The following CNTN5 variants were observed in gnomAD, a reference collection of about 807,000 sequenced individuals.
CNTN5 encodes the protein contactin-5.
In CNTN5, 77 loss-of-function variants were observed where a neutral mutation model predicts 129.1. The ratio of observed to expected loss-of-function variants is 0.60; its 90% CI spans 0.50 to 0.72. The LOEUF is 0.72. Among genes scored for constraint, CNTN5 ranks in the 30% least tolerant of loss-of-function variants. The pLI is 0.00. For missense variants in CNTN5, 1,478 were observed against 1,328.8 expected, an observed-to-expected ratio of 1.11 and a Z score of -1.75; for synonymous variants, 509 against 465.6, an observed-to-expected ratio of 1.09 and a Z score of -1.20.
intron 1 of CNTN5, among the ~76,000 whole-genome samples, chr11:99,153,998 T>A (rs560615475): frequency 1.4e-4 from 22 of 152,192 alleles, no homozygotes; most frequent in Middle Eastern, 3.4e-3. Context: ...TTCTGGCCCC[T>A]AGAGGTTAGG....
chr11:99,442,327 G>A (rs924214476), intron 2 of CNTN5, among the ~76,000 whole-genome samples: 8 of 151,980 alleles, frequency 5.3e-5, no homozygotes, highest in African/African-American at 1.9e-4. Context: ...GTGCCACCAT[G>A]CCCAGCTAAT....
chr11:99,767,842 G>C (rs1350314566), intron 3 of CNTN5, among the ~76,000 whole-genome samples: 1 of 151,872 alleles, frequency 6.6e-6, no homozygotes, highest in Admixed American at 6.6e-5. Flanking sequence ...AATAATTTCT[G>C]TTTCAGTACA....
intron 9 of CNTN5, among the ~76,000 whole-genome samples, chr11:100,022,465 A>C (rs1941212641): frequency 6.6e-6 from 1 of 152,110 alleles, no homozygotes; most frequent in Admixed American, 6.6e-5. Context: ...ATTCTATTTT[A>C]TCTCTTTAGT....
intron 6 of CNTN5, among the ~76,000 whole-genome samples, chr11:99,894,466 T>C (rs1051021883): frequency 2.2e-4 from 19 of 87,812 alleles, no homozygotes; most frequent in African/African-American, 7.0e-4. Context: ...AAAATCTAAC[T>C]ACAACTGAAA....
intron 3 of CNTN5, among the ~76,000 whole-genome samples, chr11:99,706,023 A>G (rs559683558): frequency 9.2e-5 from 14 of 151,676 alleles, no homozygotes; most frequent in East Asian, 7.8e-4. Flanking sequence ...TTAAAAATAT[A>G]TATTAATCAT....
chr11:99,833,898 G>T (rs1017313744), intron 4 of CNTN5, among the ~76,000 whole-genome samples: 1 of 152,026 alleles, frequency 6.6e-6, no homozygotes, highest in East Asian at 1.9e-4. Flanking sequence ...GACATTTGTG[G>T]GGGTAGTCTC....
chr11:99,440,067 T>A (rs1943765659), intron 2 of CNTN5, among the ~76,000 whole-genome samples: 4 of 152,202 alleles, frequency 2.6e-5, no homozygotes, highest in Admixed American at 6.5e-5. Flanking sequence ...ATACTGAGGA[T>A]TTAATTCACT....
chr11:99,420,281 C>T (rs1210962068), intron 2 of CNTN5, among the ~76,000 whole-genome samples: 2 of 151,430 alleles, frequency 1.3e-5, no homozygotes, highest in African/African-American at 2.4e-5. Context: ...AAACGTAAGT[C>T]AAAAAAAATC....
At chr11:99,614,607 A>G (rs936327312) in intron 3 of CNTN5, among the ~76,000 whole-genome samples, 1 of 152,236 alleles carries the variant, frequency 6.6e-6, no homozygotes, top group Non-Finnish European at 1.5e-5. Flanking sequence ...TCCAGTATCC[A>G]CTGTGCATCT....
intron 13 of CNTN5, among the ~76,000 whole-genome samples, chr11:100,088,625 C>A (rs990551575): frequency 4.6e-5 from 7 of 151,928 alleles, no homozygotes; most frequent in African/African-American, 1.7e-4. Flanking sequence ...GCACACAAAT[C>A]AGAATATCTA....
At chr11:100,287,196 C>G (rs1338613005) in intron 18 of CNTN5, among the ~76,000 whole-genome samples, 1 of 152,144 alleles carries the variant, frequency 6.6e-6, no homozygotes, top group Non-Finnish European at 1.5e-5. Context: ...GAATATTATC[C>G]AGGAGAACTT....
intron 8 of CNTN5, among the ~76,000 whole-genome samples, chr11:99,961,397 A>G (rs965059956): frequency 7.2e-5 from 11 of 152,122 alleles, no homozygotes; most frequent in African/African-American, 2.7e-4. Flanking sequence ...GAGGAAGAGC[A>G]TCACCAAGTG....
chr11:99,917,563 C>T (rs956335984), intron 7 of CNTN5, among the ~76,000 whole-genome samples: 25 of 151,946 alleles, frequency 1.6e-4, no homozygotes, highest in African/African-American at 5.6e-4. Context: ...ATATAACAGG[C>T]TTTATAGAGG....
intron 3 of CNTN5, among the ~76,000 whole-genome samples, chr11:99,612,093 A>T (rs538864798): frequency 6.6e-6 from 1 of 152,206 alleles, no homozygotes; most frequent in Non-Finnish European, 1.5e-5. Flanking sequence ...GGCACTTGCA[A>T]TAAGAATTTC....
At chr11:99,868,636 C>T (rs1948420058) in intron 6 of CNTN5, among the ~76,000 whole-genome samples, 1 of 152,036 alleles carries the variant, frequency 6.6e-6, no homozygotes, top group African/African-American at 2.4e-5. Flanking sequence ...ATGTTGTCAA[C>T]AGGAATATGC....
intron 12 of CNTN5, 30 bp downstream of exon 12, chr11:100,071,864 A>T (rs756747489): frequency 3.2e-6 from 5 of 1,543,330 alleles, no homozygotes; most frequent in Middle Eastern, 1.7e-4. Flanking sequence ...ATAAATTGAA[A>T]AAAAAAACCT....
chr11:99,736,669 G>A (rs934411267), intron 3 of CNTN5, among the ~76,000 whole-genome samples: 1 of 151,998 alleles, frequency 6.6e-6, no homozygotes, highest in African/African-American at 2.4e-5. Flanking sequence ...CATAATTATC[G>A]AAGTGTGAAA....
At chr11:99,506,138 A>G (rs1946608511) in intron 2 of CNTN5, among the ~76,000 whole-genome samples, 1 of 152,106 alleles carries the variant, frequency 6.6e-6, no homozygotes, top group African/African-American at 2.4e-5. Flanking sequence ...TTGATCTTGG[A>G]CTTTTTGATC....
intron 1 of CNTN5, among the ~76,000 whole-genome samples, chr11:99,031,974 T>A (rs1863409678): frequency 7.1e-6 from 1 of 140,390 alleles, no homozygotes. Flanking sequence ...TGTCCATGTG[T>A]TCTCATTGTT....
Sources: allele counts gnomAD v4.1 joint callset (sites outside exome capture counted in the v4.1 genomes callset), GRCh38; gene constraint gnomAD v4.1.1; transcripts MANE v1.5; gene names NCBI Gene and HGNC (gene_info 2026-07-23, HGNC 2026-07-21).